Variants in ACSL5 observed in about 807,000 individuals in gnomAD.
ACSL5 encodes the protein long-chain-fatty-acid--CoA ligase 5.
Under a neutral mutation model 84.9 loss-of-function variants are expected in ACSL5, and 50 were observed. That is an observed-to-expected ratio of 0.59 (90% CI 0.47 to 0.75). The LOEUF (loss-of-function observed/expected upper bound fraction) is 0.75, where lower values mean the gene tolerates loss of function less well. Among genes scored for constraint, ACSL5 ranks in the 30% least tolerant of loss-of-function variants. The probability of loss-of-function intolerance (pLI) is 0.00; values close to 1 mark genes in which losing one functional copy is unlikely to be tolerated. For synonymous variants in ACSL5, 280 were observed against 300.7 expected (o/e 0.93, Z 0.71); for missense variants, 775 against 830.4 (o/e 0.93, Z 0.82).
chr10:112,392,001 T>A (rs1843652114), intron 1 of ACSL5, among the ~76,000 whole-genome samples: 1 of 152,198 alleles, frequency 6.6e-6, no homozygotes, highest in African/African-American at 2.4e-5. Context: ...TTTTAGACTC[T>A]GATTCAAAGA....
rs769773162 is a variant in ACSL5 at position 112,417,029 on chromosome 10, T to C, written c.1218+7T>C. On this transcript the variant is annotated splice_region_variant and intron_variant, in intron 13 of 20. Coordinates refer to ENST00000354655, the MANE Select transcript of ACSL5 (RefSeq NM_203379.2). ...CATCTTTGCAAAGATCCAGGTAGGT[T>C]GGGCAGGTCCTGGACTGAAGCAGGC... 6.2e-7 allele frequency: 1 copy of C among 1,613,454 alleles called. No individual in the cohort carries two copies. The highest frequency in any genetic ancestry group is 2.2e-5 in the East Asian group (1 of 44,842).
intron 2 of ACSL5, among the ~76,000 whole-genome samples, chr10:112,398,490 T>C (rs938371624): frequency 6.6e-6 from 1 of 152,032 alleles, no homozygotes; most frequent in Non-Finnish European, 1.5e-5. Context: ...CTGCAACCTC[T>C]GCCTCCCCGG....
Position 112,426,245 on chromosome 10 carries a change from T to A in ACSL5, c.1738-13T>A. On this transcript the variant is annotated splice_polypyrimidine_tract_variant and intron_variant, in intron 18 of 20. Transcript: ENST00000354655. ...TCTCTCATGCCCTTGCACCTTTTAT[T>A]TCCTTTCCATAGTCATCCTTAGTAG... is the stretch of plus-strand genomic sequence containing the variant. 6.2e-7 allele frequency: 1 copy of A among 1,610,136 alleles called. No homozygotes were observed. The highest frequency in any genetic ancestry group is 8.5e-7 in the Non-Finnish European group (1 of 1,176,386).
rs11195943 is a variant in ACSL5 at position 112,395,057 on chromosome 10, C to T, written c.111C>T (p.Pro37=). Residue 37 remains proline (P), a synonymous_variant, in exon 2 of 21, where the codon CCC becomes CCT. Transcript: ENST00000354655. ...IFLWLITRPQ[P]VLPLLDLNNQ... The stretch of plus-strand genomic sequence containing the variant: ...TGTGGCTGATCACCAGACCTCAACC[C>T]GTCTTACCTCTTCTTGACCTGAACA... The T allele has an allele frequency of 0.11, 171,752 of 1,613,768 alleles. 9,801 individuals are homozygous for T. The highest frequency in any genetic ancestry group is 0.13 in the East Asian group (6,046 of 44,866).
In ACSL5 at chr10:112,427,463, A is replaced by G; in HGVS notation, c.*105A>G. ...TTGCCTTTCCTCCTATTTTTTTTTA[A>G]CCTGTTAAACTCTAAAGCCATAGCT... On this transcript the variant is annotated 3_prime_UTR_variant, in exon 21 of 21. Coordinates refer to ENST00000354655, the MANE Select transcript of ACSL5 (RefSeq NM_203379.2). 9.1e-7 allele frequency: 1 copy of G among 1,102,010 alleles called. No individual in the cohort carries two copies. The highest frequency in any genetic ancestry group is 1.3e-6 in the Non-Finnish European group (1 of 796,156). The allele number at this position is 1,102,010 out of a possible 1,614,324, so 68.3% of individuals were successfully genotyped here.
rs767501117 is a variant in ACSL5, at chr10:112,413,235, T to C, written c.1011T>C (p.Ala337=). ...TCCAAGGGGATATTCGGTTGCTGGC[T>C]GACGACATGAAGACTTTGAAGCCCA... is the stretch of plus-strand genomic sequence containing the variant. ...GFFQGDIRLL[A]DDMKTLKPTL... The change falls in exon 12 of 21, where the codon GCT becomes GCC. Residue 337 remains alanine, a synonymous_variant. Transcript: ENST00000354655. The C allele has an allele frequency of 7.4e-6, 12 of 1,614,246 alleles. No homozygotes were observed. Among genetic ancestry groups the C allele is most frequent in the African/African-American group, 1.3e-5 (1 of 75,070 alleles).
At chr10:112,384,260 T>C (rs1213824488) in intron 1 of ACSL5, among the ~76,000 whole-genome samples, 1 of 152,106 alleles carries the variant, frequency 6.6e-6, no homozygotes, top group Non-Finnish European at 1.5e-5. Flanking sequence ...CTTGTTGTTT[T>C]TGTTGTTCCG....
intron 5 of ACSL5, among the ~76,000 whole-genome samples, chr10:112,405,719 C>CA (rs945007005): frequency 2.0e-5 from 3 of 152,090 alleles, no homozygotes; most frequent in Non-Finnish European, 4.4e-5. Flanking sequence ...ATAACCCCCC[C>CA]AAAACTTAAC....
intron 1 of ACSL5, among the ~76,000 whole-genome samples, chr10:112,383,228 T>C (rs890207606): frequency 6.6e-6 from 1 of 152,244 alleles, no homozygotes; most frequent in Non-Finnish European, 1.5e-5. Context: ...AACACTGCAG[T>C]GAGCTGAGCA....
chr10:112,423,299 T>C (rs1226225091), intron 17 of ACSL5, among the ~76,000 whole-genome samples: 1 of 125,966 alleles, frequency 7.9e-6, no homozygotes, highest in Non-Finnish European at 1.6e-5. Flanking sequence ...GGATCAACAA[T>C]ATAAAATTCT....
At chr10:112,417,426 C>A (rs573713924) in intron 13 of ACSL5, among the ~76,000 whole-genome samples, 1 of 151,834 alleles carries the variant, frequency 6.6e-6, no homozygotes, top group South Asian at 2.1e-4. Flanking sequence ...TCGCTTGAAC[C>A]CAGGAGGTGG....
At chr10:112,390,284 T>A (rs1849531297) in intron 1 of ACSL5, among the ~76,000 whole-genome samples, 1 of 152,088 alleles carries the variant, frequency 6.6e-6, no homozygotes, top group African/African-American at 2.4e-5. Context: ...AAAAAAATGC[T>A]CAACATCCTT....
At chr10:112,377,185 T>A (rs1318292047) in intron 1 of ACSL5, among the ~76,000 whole-genome samples, 1 of 152,144 alleles carries the variant, frequency 6.6e-6, no homozygotes, top group Admixed American at 6.5e-5. Context: ...AAAGGTAGAA[T>A]TGAATCTATA....
chr10:112,410,801 A>G (rs1027245835), intron 9 of ACSL5, among the ~76,000 whole-genome samples, 166 bp downstream of exon 9: 1 of 152,240 alleles, frequency 6.6e-6, no homozygotes, highest in Non-Finnish European at 1.5e-5. Context: ...AAACATAAAC[A>G]TAAGTAAATA....
chr10:112,414,887 G>A (rs957364215), intron 12 of ACSL5, among the ~76,000 whole-genome samples: 34 of 152,126 alleles, frequency 2.2e-4, no homozygotes, highest in African/African-American at 6.8e-4. Context: ...AGGAAGTAAT[G>A]CATGGCCATT....
At chr10:112,379,782 AC>A (rs1849313853) in intron 1 of ACSL5, among the ~76,000 whole-genome samples, 2 of 152,332 alleles carry the variant, frequency 1.3e-5, no homozygotes, top group East Asian at 3.9e-4. Context: ...GAAGGGCACG[AC>A]CTTGAAAGTT....
rs1335100277 is a variant in ACSL5 at position 112,410,610 on chromosome 10, C to T, written c.771C>T (p.Val257=). 6.2e-7 allele frequency: 1 copy of T among 1,613,964 alleles called. No homozygotes were observed. The highest frequency in any genetic ancestry group is 1.1e-5 in the South Asian group (1 of 91,048). The change falls in exon 9 of 21, where the codon GTC becomes GTT. Residue 257 remains valine, a synonymous_variant. Transcript: ENST00000354655. The stretch of plus-strand genomic sequence containing the variant: ...CTCCTAGCCCAGAAGACCTGAGCGT[C>T]ATCTGCTTCACCAGTGGGACCACAG... ...PVPPSPEDLS[V]ICFTSGTTGD... is the part of the protein sequence containing the mutation.
intron 13 of ACSL5, 74 bp downstream of exon 13, chr10:112,417,096 C>T (rs1355213410): frequency 6.5e-7 from 1 of 1,527,200 alleles, no homozygotes; most frequent in Admixed American, 1.8e-5. Context: ...CCTTGCTTTT[C>T]CTCTGCTGCT....
chr10:112,412,977 A>C (rs530192895), intron 11 of ACSL5, among the ~76,000 whole-genome samples, 196 bp from the exon 12 acceptor site: 2 of 152,292 alleles, frequency 1.3e-5, no homozygotes, highest in African/African-American at 4.8e-5. Flanking sequence ...GAAGGTTCTC[A>C]GAGTCCTGAA....
Sources: gnomAD v4.1 joint callset for allele counts (sites outside exome capture counted in the v4.1 genomes callset) on GRCh38, gnomAD v4.1.1 for gene constraint, MANE v1.5 for transcripts, NCBI Gene and HGNC (gene_info 2026-07-23, HGNC 2026-07-21) for gene names.